ZNF248: variants seen among roughly 807,000 people sequenced by gnomAD.
The protein encoded by ZNF248 is KRAB protein domain.
In ZNF248, 20 loss-of-function variants were observed where a neutral mutation model predicts 44.3. The ratio of observed to expected loss-of-function variants is 0.45; its 90% CI spans 0.32 to 0.66. The LOEUF is 0.66. Ranked by LOEUF, ZNF248 falls within the 30% of genes least tolerant of loss-of-function variation. ZNF248 has a pLI of 0.04. For missense variants in ZNF248, 654 were observed against 677.0 expected, an observed-to-expected ratio of 0.97 and a Z score of 0.38; for synonymous variants, 224 against 229.0, an observed-to-expected ratio of 0.98 and a Z score of 0.20.
At chr10:37,763,970 C>T in the ZNF248 span, among the ~76,000 whole-genome samples, 2 of 152,114 alleles carry the variant, frequency 1.3e-5, no homozygotes, top group African/African-American at 2.4e-5. Context: ...ATTGTGTTAA[C>T]TGCACAAATT....
chr10:37,775,961 G>C (rs2046552332), downstream of ZNF248, among the ~76,000 whole-genome samples: 1 of 152,196 alleles, frequency 6.6e-6, no homozygotes, highest in African/African-American at 2.4e-5. Context: ...GGATGAGTCT[G>C]GACAGGTTAC....
rs1232554613 is a variant in ZNF248, at chr10:37,852,640, TATATAG to T, written c.15+3650_15+3655del. On this transcript the variant is annotated intron_variant, in intron 3 of 5. Coordinates refer to ENST00000395867, the MANE Select transcript of ZNF248 (RefSeq NM_021045.3). ...CAGAATAAGACCCTATCTCTCTCTATATATAGATATAGATATATAGATACAATATAT... is the reference window on the plus strand; with the variant it reads ...CAGAATAAGACCCTATCTCTCTCTATATATAGATATATAGATACAATATAT... Among the ~76,000 whole-genome samples, 4 of 150,552 alleles carry T rather than the reference TATATAG, an allele frequency of 2.7e-5. 1 individual carries two copies. Among genetic ancestry groups the T allele is most frequent in the East Asian group, 1.9e-4 (1 of 5,170 alleles).
In ZNF248 at chr10:37,820,094, G is replaced by T. The variant is rs2053210796; in HGVS notation, c.330+12931C>A. ...TTGTATCTCTGTAGCATCTTTTGCT[G>T]TTCATCAATCTGCTGTGTCAAATCA... On this transcript the variant is annotated intron_variant, in intron 6 of 6. Coordinates refer to the ZNF248 transcript ENST00000615949. 1.0e-5 allele frequency: 9 copies of T among 878,252 alleles called. No individual in the cohort carries two copies. In the South Asian group the frequency reaches 1.2e-4, roughly 11 times the overall value. 54.4% of individuals were successfully genotyped at this position (878,252 alleles called of 1,614,324 possible).
At chr10:37,824,672 A>ATTTTTTTTTTTTT (rs1564542451), downstream of ZNF248, among the ~76,000 whole-genome samples, 167 of 61,240 alleles carry the variant, frequency 2.7e-3, 6 homozygotes, top group African/African-American at 0.011. Context: ...AATTATTTTA[A>ATTTTTTTTTTTTT]ATTTTTTTTT....
intron 5 of ZNF248, among the ~76,000 whole-genome samples, chr10:37,835,135 A>G (rs1735600): frequency 6.6e-6 from 1 of 152,106 alleles, no homozygotes; most frequent in African/African-American, 2.4e-5. Context: ...GCTAAAAAAA[A>G]AGAGAAAAGA....
At chr10:37,809,911 T>A (rs2051222728) in intron 6 of ZNF248, among the ~76,000 whole-genome samples, 2 of 152,240 alleles carry the variant, frequency 1.3e-5, no homozygotes, top group Admixed American at 6.5e-5. Flanking sequence ...TTGTATAATA[T>A]CTATCTTTTA....
downstream of ZNF248, among the ~76,000 whole-genome samples, chr10:37,824,064 G>A (rs2053950602): frequency 6.6e-6 from 1 of 152,136 alleles, no homozygotes; most frequent in Admixed American, 6.5e-5. Flanking sequence ...ACCTGATTAT[G>A]GAGGCTAGCA....
In ZNF248 at chr10:37,821,058, T is replaced by C. The variant is rs577850022; in HGVS notation, c.330+11967A>G. On this transcript the variant is annotated intron_variant, in intron 6 of 6. Transcript: ENST00000615949. ...AGACCTACATAATTTTAATCAGTTA[T>C]GCTCACTTCACTGAGAAGTAGGTCT... is the stretch of plus-strand genomic sequence containing the variant. The C allele has an allele frequency of 2.4e-5, 21 of 871,352 alleles. No individual in the cohort carries two copies. In the East Asian group the frequency reaches 3.1e-4, roughly 13 times the overall value. 54.0% of individuals were successfully genotyped at this position (871,352 alleles called of 1,614,324 possible).
the ZNF248 span, among the ~76,000 whole-genome samples, chr10:37,764,312 C>T: frequency 2.0e-5 from 3 of 152,208 alleles, no homozygotes; most frequent in African/African-American, 7.2e-5. Context: ...AAATTCCCGC[C>T]TAATAAATTT....
At chr10:37,812,648 C>T (rs183921914) in intron 6 of ZNF248, among the ~76,000 whole-genome samples, 2 of 152,140 alleles carry the variant, frequency 1.3e-5, no homozygotes, top group Admixed American at 6.5e-5. Context: ...TGAGCATGCC[C>T]CCGGCCACCC....
intron 3 of ZNF248, among the ~76,000 whole-genome samples, chr10:37,851,731 T>C (rs1391010793): frequency 2.7e-4 from 4 of 14,642 alleles, no homozygotes; most frequent in African/African-American, 1.1e-3. Flanking sequence ...TGCAAATAAA[T>C]AACAAAAAAA....
At position 37,830,353 on chromosome 10, in the gene ZNF248, ACAGT is replaced by A. The variant is rs920035834; in HGVS notation, c.*1258_*1261del. 2.0e-6 allele frequency: 2 copies of A among 985,284 alleles called. No individual in the cohort carries two copies. The highest frequency in any genetic ancestry group is 1.7e-5 in the African/African-American group (1 of 57,222). The allele number at this position is 985,284 out of a possible 1,614,324, so 61.0% of individuals were successfully genotyped here. ...CATATTCATGCATATATGCCAGGAA[ACAGT>A]CAGAGGAAAGGTACGTGATATAGTT... On this transcript the variant is annotated 3_prime_UTR_variant, in exon 6 of 6. Coordinates refer to ENST00000395867, the MANE Select transcript of ZNF248 (RefSeq NM_021045.3).
intron 5 of ZNF248, among the ~76,000 whole-genome samples, chr10:37,835,798 A>G (rs1189768786): frequency 6.6e-6 from 1 of 152,218 alleles, no homozygotes; most frequent in African/African-American, 2.4e-5. Context: ...TCTGCTCTTG[A>G]AGATCTCATT....
downstream of ZNF248, chr10:37,775,446 G>T (rs2046514985): frequency 6.6e-6 from 1 of 152,124 alleles, no homozygotes; most frequent in South Asian, 2.1e-4. Flanking sequence ...GATCTGGCCT[G>T]CTACGGACCT....
intron 6 of ZNF248, chr10:37,819,665 TCCTTTTTAAGATGAC>T: frequency 1.2e-6 from 1 of 800,130 alleles, no homozygotes. Flanking sequence ...CTCTGCTTCC[TCCTTTTTAAGATGAC>T]CTAACCGGAG....
At chr10:37,759,472 C>A in the ZNF248 span, among the ~76,000 whole-genome samples, 2 of 152,140 alleles carry the variant, frequency 1.3e-5, no homozygotes, top group Admixed American at 6.5e-5. Flanking sequence ...GGAGAAGGTG[C>A]GGAGGCAGGA....
chr10:37,780,291 C>A (rs1357442182), intron 6 of ZNF248, among the ~76,000 whole-genome samples: 8 of 152,284 alleles, frequency 5.3e-5, no homozygotes, highest in African/African-American at 1.9e-4. Flanking sequence ...GTAACCAAAA[C>A]AGCATGGTAC....
intron 6 of ZNF248, among the ~76,000 whole-genome samples, chr10:37,790,708 C>CTAAATAAATAAATAAATAAATAAA (rs149151524): frequency 5.3e-4 from 78 of 147,702 alleles, no homozygotes; most frequent in Non-Finnish European, 8.5e-4. Flanking sequence ...GGCTCCGTCT[C>CTAAATAAATAAATAAATAAATAAA]TAAATAAATA....
intron 6 of ZNF248, among the ~76,000 whole-genome samples, chr10:37,811,790 T>G (rs2051560772): frequency 6.6e-6 from 1 of 151,958 alleles, no homozygotes; most frequent in African/African-American, 2.4e-5. Context: ...AGGCTGCAAG[T>G]AAGCTGTGAT....
Sources: allele counts gnomAD v4.1 joint callset (sites outside exome capture counted in the v4.1 genomes callset), GRCh38; gene constraint gnomAD v4.1.1; transcripts MANE v1.5; gene names NCBI Gene and HGNC (gene_info 2026-07-23, HGNC 2026-07-21).